Variants in PSTPIP2 observed in about 807,000 individuals in gnomAD.
PSTPIP2 encodes proline-serine-threonine phosphatase interacting protein 2, also known as proline-serine-threonine phosphatase-interacting protein 2.
PSTPIP2 carries 33 observed loss-of-function variants against 63.3 expected under a neutral mutation model. The observed-to-expected ratio is 0.52, with a 90% CI of 0.40 to 0.70. PSTPIP2 has a LOEUF of 0.70. Among genes scored for constraint, PSTPIP2 ranks in the 30% least tolerant of loss-of-function variants. The pLI is 0.00. For missense variants in PSTPIP2, 312 were observed against 400.7 expected (o/e 0.78, Z 1.89); for synonymous variants, 125 against 132.7 (o/e 0.94, Z 0.40).
intron 6 of PSTPIP2, among the ~76,000 whole-genome samples, chr18:46,003,263 T>C (rs887471901): frequency 3.9e-5 from 6 of 152,182 alleles, no homozygotes; most frequent in African/African-American, 1.2e-4. Context: ...GAAGTCAGGG[T>C]TCCCCACATA....
At chr18:46,004,263 G>T (rs1007460106) in intron 6 of PSTPIP2, among the ~76,000 whole-genome samples, 9 of 152,156 alleles carry the variant, frequency 5.9e-5, no homozygotes, top group Non-Finnish European at 1.0e-4. Flanking sequence ...AGAACAGATT[G>T]CATATGCTAT....
At chr18:45,987,605 G>A (rs1324039551) in intron 14 of PSTPIP2, among the ~76,000 whole-genome samples, 1 of 150,482 alleles carries the variant, frequency 6.6e-6, no homozygotes, top group East Asian at 2.0e-4. Context: ...TTCAAAAACA[G>A]GAAGGAAAAA....
At chr18:46,058,263 G>A (rs1456406393) in intron 1 of PSTPIP2, among the ~76,000 whole-genome samples, 1 of 152,084 alleles carries the variant, frequency 6.6e-6, no homozygotes, top group Non-Finnish European at 1.5e-5. Context: ...GGGATTTGAA[G>A]GCTAAGGGAG....
chr18:46,017,308 T>G (rs1286980632), intron 3 of PSTPIP2, among the ~76,000 whole-genome samples: 1 of 152,210 alleles, frequency 6.6e-6, no homozygotes, highest in Admixed American at 6.5e-5. Context: ...TCACTCTTTC[T>G]GGATGCCTTT....
chr18:46,006,875 G>C lies in PSTPIP2; in HGVS notation c.355-1344C>G, dbSNP rs142587325. On this transcript the variant is annotated intron_variant, in intron 5 of 14. Transcript: ENST00000409746. Reference sequence around the variant, plus strand: ...CAGTTTTCATGCATCACAACTATGTGAGTACTATCACTCCCATTTTCCTGA... The same window carrying C: ...CAGTTTTCATGCATCACAACTATGTCAGTACTATCACTCCCATTTTCCTGA... 2.4e-3 allele frequency among the ~76,000 whole-genome samples: 360 copies of C among 152,280 alleles called. 4 individuals are homozygous for C. Among genetic ancestry groups the C allele is most frequent in the African/African-American group, 8.4e-3 (350 of 41,556 alleles).
chr18:46,028,621 A>G, intron 2 of PSTPIP2: 1 of 800,902 alleles, frequency 1.2e-6, no homozygotes, highest in Non-Finnish European at 2.2e-6. Flanking sequence ...CCTCAAAAGA[A>G]GCCAATTTGG....
chr18:46,028,353 G>T (rs1173981167), intron 2 of PSTPIP2: 2 of 485,160 alleles, frequency 4.1e-6, no homozygotes, highest in Non-Finnish European at 8.1e-6. Context: ...CGCCCCAAAA[G>T]GCTGCCGCTT....
At position 46,040,041 on chromosome 18, in the gene PSTPIP2, C is replaced by T. The variant is rs1908134112; in HGVS notation, c.40G>A (p.Asp14Asn). Reference sequence around the variant, plus strand: ...TCATAGCCGATGGTGCTGAGGATGTCTGCACTCTGGGGGAAAGACAACATG... The same window carrying T: ...TCATAGCCGATGGTGCTGAGGATGTTTGCACTCTGGGGGAAAGACAACATG... ...SLFKGNFWSA[D>N]ILSTIGYDNI... The change falls in exon 2 of 15, where the codon GAC (aspartate) becomes AAC (asparagine). Residue 14 changes from aspartate (D) to asparagine (N), a missense_variant. Physicochemically the swap from Asp to Asn is conservative, Grantham distance 23. Transcript: ENST00000409746. 6.2e-7 allele frequency: 1 copy of T among 1,604,244 alleles called. No homozygotes were observed.
At chr18:46,059,662 A>T (rs796285889) in intron 1 of PSTPIP2, among the ~76,000 whole-genome samples, 34 of 152,354 alleles carry the variant, frequency 2.2e-4, no homozygotes, top group African/African-American at 7.9e-4. Context: ...AGAAAACAAT[A>T]GTTGATATTT....
intron 5 of PSTPIP2, among the ~76,000 whole-genome samples, chr18:46,006,832 A>G (rs2051734324): frequency 1.3e-5 from 2 of 152,222 alleles, no homozygotes; most frequent in Admixed American, 1.3e-4. Flanking sequence ...TCCATTTATC[A>G]AGCACTTACG....
intron 14 of PSTPIP2, among the ~76,000 whole-genome samples, chr18:45,985,711 A>G (rs1004228216): frequency 1.3e-5 from 2 of 152,210 alleles, no homozygotes; most frequent in African/African-American, 2.4e-5. Context: ...GTTAGAATTA[A>G]CAACAGGAAT....
chr18:46,019,954 C>T (rs547919102), intron 3 of PSTPIP2, among the ~76,000 whole-genome samples: 1 of 152,284 alleles, frequency 6.6e-6, no homozygotes, highest in South Asian at 2.1e-4. Flanking sequence ...GGAATTCTCT[C>T]CCTATAGTGA....
intron 1 of PSTPIP2, among the ~76,000 whole-genome samples, chr18:46,057,713 A>T (rs1263553099): frequency 6.6e-6 from 1 of 151,996 alleles, no homozygotes. Context: ...AAAACCACCC[A>T]TAGGCCAGGC....
chr18:46,007,033 T>C (rs2051736208), intron 5 of PSTPIP2, among the ~76,000 whole-genome samples: 1 of 152,214 alleles, frequency 6.6e-6, no homozygotes, highest in South Asian at 2.1e-4. Flanking sequence ...ATCCTTATGA[T>C]AGCTCTATAA....
chr18:46,072,062 G>T, intron 1 of PSTPIP2, 94 bp downstream of exon 1: 1 of 1,420,480 alleles, frequency 7.0e-7, no homozygotes, highest in Non-Finnish European at 9.3e-7. Flanking sequence ...ACCGAGTGGC[G>T]CCGGAGCTGG....
intron 1 of PSTPIP2, among the ~76,000 whole-genome samples, chr18:46,059,895 G>A (rs1908928108): frequency 6.6e-6 from 1 of 152,168 alleles, no homozygotes; most frequent in African/African-American, 2.4e-5. Context: ...CCCGGGCGTG[G>A]TGGCACATGC....
Position 45,998,827 on chromosome 18 carries a change from G to A in PSTPIP2, c.529C>T (p.Leu177=). ...PKQQEKLFVK[L]ATSKTAVEDS... is the part of the protein sequence containing the mutation. ...TCTACTGCGGTCTTTGAAGTTGCCA[G>A]TTTCACAAAAAGCTGTGAAAACAAA... Residue 177 remains leucine (L), a synonymous_variant, in exon 8 of 15, where the codon CTG becomes TTG. Transcript: ENST00000409746. The A allele has an allele frequency of 6.2e-7, 1 of 1,613,832 alleles. No homozygotes were observed. The highest frequency in any genetic ancestry group is 1.3e-5 in the African/African-American group (1 of 74,962).
chr18:46,057,463 G>A (rs34003734), intron 1 of PSTPIP2, among the ~76,000 whole-genome samples: 63,249 of 151,008 alleles, frequency 0.42, 14,356 homozygotes, highest in Middle Eastern at 0.56. Flanking sequence ...GAGTAGCTAG[G>A]ATTACAGGCG....
intron 1 of PSTPIP2, among the ~76,000 whole-genome samples, chr18:46,050,611 T>C (rs952456098): frequency 6.6e-6 from 1 of 151,906 alleles, no homozygotes; most frequent in African/African-American, 2.4e-5. Context: ...ACCTAAATAT[T>C]CAGCAATAAA....
Sources: gnomAD v4.1 joint callset for allele counts (sites outside exome capture counted in the v4.1 genomes callset) on GRCh38, gnomAD v4.1.1 for gene constraint, MANE v1.5 for transcripts, NCBI Gene and HGNC (gene_info 2026-07-23, HGNC 2026-07-21) for gene names.